COL4A4: variants seen among roughly 807,000 people sequenced by gnomAD.
COL4A4 encodes the protein collagen type IV alpha 4 chain.
Under a neutral mutation model 192.9 loss-of-function variants are expected in COL4A4, and 105 were observed. The ratio of observed to expected loss-of-function variants is 0.54; its 90% CI spans 0.46 to 0.64. The LOEUF is 0.64. Among genes scored for constraint, COL4A4 ranks in the 30% least tolerant of loss-of-function variants. COL4A4 has a pLI of 0.00. For missense variants in COL4A4, 1,967 were observed against 2,169.3 expected, an observed-to-expected ratio of 0.91 and a Z score of 1.85; for synonymous variants, 762 against 769.9, an observed-to-expected ratio of 0.99 and a Z score of 0.17.
At chr2:226,985,125 G>T in the COL4A4 span, among the ~76,000 whole-genome samples, 1 of 152,190 alleles carries the variant, frequency 6.6e-6, no homozygotes, top group Non-Finnish European at 1.5e-5. Context: ...CTGATTTGGA[G>T]TTAGCATATT....
chr2:227,097,082 C>A (rs978060556), intron 19 of COL4A4, among the ~76,000 whole-genome samples: 2 of 152,058 alleles, frequency 1.3e-5, no homozygotes, highest in African/African-American at 4.8e-5. Context: ...GTCTTCATGC[C>A]ATTTCTAAGA....
chr2:227,019,675 C>T (rs988294972), intron 44 of COL4A4, among the ~76,000 whole-genome samples: 10 of 152,168 alleles, frequency 6.6e-5, no homozygotes, highest in Admixed American at 2.6e-4. Flanking sequence ...TGTTTTGTTT[C>T]GTTTTGTTTT....
At chr2:227,002,073 G>GACA (rs1342145175), downstream of COL4A4, among the ~76,000 whole-genome samples, 2 of 150,600 alleles carry the variant, frequency 1.3e-5, no homozygotes, top group African/African-American at 4.9e-5. Flanking sequence ...GGGAGGGTGA[G>GACA]GCAGGAGGAT....
chr2:227,073,960 T>C (rs2058871487), intron 25 of COL4A4, among the ~76,000 whole-genome samples: 1 of 151,888 alleles, frequency 6.6e-6, no homozygotes, highest in Non-Finnish European at 1.5e-5. Context: ...TAAGACAACA[T>C]TGGAAAAACT....
rs770838029 is a variant in COL4A4 at position 227,027,947 on chromosome 2, C to T, written c.4036G>A (p.Gly1346Ser). ...TTTCTCCCTGGAGGTCCAGGTAAACCCTTCTCTCCAGGTGGCCCAGGAAAT... is the reference window on the plus strand; with the variant it reads ...TTTCTCCCTGGAGGTCCAGGTAAACTCTTCTCTCCAGGTGGCCCAGGAAAT... ...HGFPGPPGEK[G>S]LPGPPGRKGP... Residue 1346 changes from glycine (G) to serine (S), a missense_variant, in exon 42 of 48, where the codon GGT (glycine) becomes AGT (serine). Gly to Ser is a moderately conservative substitution (Grantham distance 56). Transcript: ENST00000396625. The T allele has an allele frequency of 1.9e-6, 3 of 1,613,866 alleles. No individual in the cohort carries two copies. The highest frequency in any genetic ancestry group is 3.3e-5 in the Admixed American group (2 of 59,996).
intron 8 of COL4A4, among the ~76,000 whole-genome samples, chr2:227,113,893 A>G (rs1378258716): frequency 2.0e-5 from 3 of 152,170 alleles, no homozygotes; most frequent in African/African-American, 7.2e-5. Context: ...AAGAGAAATG[A>G]CCACACATCT....
chr2:227,041,894 G>GA (rs1356615049), intron 37 of COL4A4, among the ~76,000 whole-genome samples: 2 of 148,886 alleles, frequency 1.3e-5, no homozygotes, highest in Admixed American at 6.6e-5. Flanking sequence ...AAGAAAGAAA[G>GA]AAAGAAAGAA....
chr2:227,124,199 T>A (rs1222328736), intron 4 of COL4A4, among the ~76,000 whole-genome samples: 1 of 152,150 alleles, frequency 6.6e-6, no homozygotes, highest in African/African-American at 2.4e-5. Flanking sequence ...TTCTAGGACA[T>A]AAAAGAAACT....
the COL4A4 span, among the ~76,000 whole-genome samples, chr2:226,993,669 G>A: frequency 6.6e-6 from 1 of 152,300 alleles, no homozygotes; most frequent in East Asian, 1.9e-4. Context: ...ATTCTCCCAT[G>A]CTCTCAACAG....
chr2:227,085,074 T>C (rs1181722911), intron 22 of COL4A4, among the ~76,000 whole-genome samples: 1 of 151,396 alleles, frequency 6.6e-6, no homozygotes, highest in Non-Finnish European at 1.5e-5. Flanking sequence ...GATGTTGCGG[T>C]GAGCTGAGAT....
chr2:227,008,110 C>G lies in COL4A4; in HGVS notation c.4717G>C (p.Ala1573Pro). Residue 1573 changes from alanine to proline, a missense_variant, in exon 47 of 48, where the codon GCC becomes CCC. Physicochemically the swap from Ala to Pro is conservative, Grantham distance 27 (BLOSUM62 -1). Transcript: ENST00000396625. Reference sequence around the variant, plus strand: ...TGGCTGTGCACCGCCACCGCCTGGGCCGGGGCCTCGCATACCGCACAGCGG... The same window carrying G: ...TGGCTGTGCACCGCCACCGCCTGGGGCGGGGCCTCGCATACCGCACAGCGG... ...VSRCAVCEAPAQAVAVHSQDQ... is the reference protein window; with the variant it reads ...VSRCAVCEAPPQAVAVHSQDQ... The G allele has an allele frequency of 6.2e-7, 1 of 1,614,038 alleles. No homozygotes were observed. Among genetic ancestry groups the G allele is most frequent in the East Asian group, 2.2e-5 (1 of 44,874 alleles).
At chr2:226,978,507 G>A in the COL4A4 span, among the ~76,000 whole-genome samples, 1,521 of 152,188 alleles carry the variant, frequency 1.0e-2, 20 homozygotes, top group South Asian at 0.022. Flanking sequence ...GCCCACCTAC[G>A]TCGAGCCTCA....
intron 31 of COL4A4, among the ~76,000 whole-genome samples, chr2:227,053,017 A>G (rs1251785012): frequency 6.6e-6 from 1 of 152,088 alleles, no homozygotes; most frequent in Non-Finnish European, 1.5e-5. Context: ...AACCATTGCT[A>G]ACTTTAAATC....
At chr2:226,984,041 T>C in the COL4A4 span, among the ~76,000 whole-genome samples, 1 of 152,174 alleles carries the variant, frequency 6.6e-6, no homozygotes, top group Non-Finnish European at 1.5e-5. Flanking sequence ...GGGAGGGAGC[T>C]GCTGTCTCCG....
intron 4 of COL4A4, among the ~76,000 whole-genome samples, chr2:227,131,813 T>C (rs369281769): frequency 1.3e-5 from 2 of 151,970 alleles, no homozygotes; most frequent in African/African-American, 4.8e-5. Flanking sequence ...TGTGGACACA[T>C]AGAGGAGCAG....
At position 227,061,795 on chromosome 2, in the gene COL4A4, A is replaced by G. The variant is rs1024782763; in HGVS notation, c.2056+735T>C. Among the ~76,000 whole-genome samples, 5 of 152,384 alleles carry G rather than the reference A, an allele frequency of 3.3e-5. No homozygotes were observed. In the South Asian group the frequency reaches 1.0e-3, roughly 32 times the overall value. ...TGATTGATTCAAATGAAGCTGTTGC[A>G]TGAATGTGCAAACAAGGACAGAGAT... On this transcript the variant is annotated intron_variant, in intron 26 of 47. Transcript: ENST00000396625.
chr2:227,003,297 G>T lies in COL4A4; in HGVS notation c.*4028C>A, dbSNP rs1158196801. ...GACCATAGTAAGTGTATGATGATGG[G>T]TATGCTAGACAGGTAATCTAACTTA... On this transcript the variant is annotated 3_prime_UTR_variant, in exon 48 of 48. Coordinates refer to ENST00000396625, the MANE Select transcript of COL4A4 (RefSeq NM_000092.5). 6.6e-6 allele frequency: 1 copy of T among 152,136 alleles called. No individual in the cohort carries two copies. Among genetic ancestry groups the T allele is most frequent in the Non-Finnish European group, 1.5e-5 (1 of 68,028 alleles). 9.4% of individuals were successfully genotyped at this position (152,136 alleles called of 1,614,324 possible). A position where few individuals can be genotyped will look rare whatever the true frequency, so the allele number is the denominator to read the frequency against.
At chr2:227,086,479 C>T (rs2059608576) in intron 22 of COL4A4, among the ~76,000 whole-genome samples, 1 of 151,790 alleles carries the variant, frequency 6.6e-6, no homozygotes, top group South Asian at 2.1e-4. Context: ...CCTCCCTTCT[C>T]TACCCTTTCC....
In COL4A4 at chr2:227,005,675, T is replaced by G. The variant is rs1274189064; in HGVS notation, c.*1650A>C. 2 of 152,244 alleles carry G rather than the reference T, an allele frequency of 1.3e-5. No individual in the cohort carries two copies. The highest frequency in any genetic ancestry group is 2.9e-5 in the Non-Finnish European group (2 of 68,036). 9.4% of individuals were successfully genotyped at this position (152,244 alleles called of 1,614,324 possible). A position where few individuals can be genotyped will look rare whatever the true frequency, so the allele number is the denominator to read the frequency against. Reference sequence around the variant, plus strand: ...ATGTGTTCTGCATATAAGAGCTCATTACAAATCAAGGTTTGGCAAGGAAAA... The same window carrying G: ...ATGTGTTCTGCATATAAGAGCTCATGACAAATCAAGGTTTGGCAAGGAAAA... On this transcript the variant is annotated 3_prime_UTR_variant, in exon 48 of 48. Coordinates refer to ENST00000396625, the MANE Select transcript of COL4A4 (RefSeq NM_000092.5).
Sources: gnomAD v4.1 joint callset for allele counts (sites outside exome capture counted in the v4.1 genomes callset) on GRCh38, gnomAD v4.1.1 for gene constraint, MANE v1.5 for transcripts, NCBI Gene and HGNC (gene_info 2026-07-23, HGNC 2026-07-21) for gene names.